Variants in LBH observed in about 807,000 individuals in gnomAD.
The protein encoded by LBH is LBH regulator of Wnt signaling pathway, also known as protein LBH.
Under a neutral mutation model 12.5 loss-of-function variants are expected in LBH, and 7 were observed. The observed-to-expected ratio is 0.56, with a 90% CI of 0.32 to 1.05. The LOEUF is 1.05. LBH is among the 50% of genes least tolerant of loss of function. The probability of loss-of-function intolerance (pLI) is 0.04; values close to 1 mark genes in which losing one functional copy is unlikely to be tolerated. For synonymous variants in LBH, 51 were observed against 50.1 expected (o/e 1.02, Z -0.08); for missense variants, 119 against 138.9 (o/e 0.86, Z 0.72).
chr2:30,232,545 A>T (rs1260724642), intron 1 of LBH: 3 of 184,146 alleles, frequency 1.6e-5, no homozygotes, highest in Non-Finnish European at 3.4e-5. Context: ...TCTGGGTTAG[A>T]GGAGAAGCGG....
intron 2 of LBH, among the ~76,000 whole-genome samples, chr2:30,247,712 C>A (rs1677899457): frequency 6.6e-6 from 1 of 152,216 alleles, no homozygotes; most frequent in South Asian, 2.1e-4. Flanking sequence ...CACTGTGCCA[C>A]ATACATAAGT....
intron 2 of LBH, among the ~76,000 whole-genome samples, chr2:30,257,054 C>T (rs183309768): frequency 1.3e-5 from 2 of 152,200 alleles, no homozygotes; most frequent in Admixed American, 6.5e-5. Context: ...CTGTTGTATT[C>T]TTTGTACTGC....
intron 2 of LBH, among the ~76,000 whole-genome samples, chr2:30,251,493 G>A (rs72787719): frequency 0.17 from 26,463 of 151,308 alleles, 2,596 homozygotes; most frequent in Admixed American, 0.27. Context: ...CCGAAGAGGT[G>A]TCCCCTGTAA....
At chr2:30,251,880 GTT>G (rs1277989763) in intron 2 of LBH, among the ~76,000 whole-genome samples, 1 of 152,196 alleles carries the variant, frequency 6.6e-6, no homozygotes, top group Admixed American at 6.5e-5. Flanking sequence ...AGCCCAGGGC[GTT>G]TGTTTGGCCG....
intron 1 of LBH, chr2:30,232,575 G>A: frequency 5.3e-6 from 1 of 187,934 alleles, no homozygotes. Flanking sequence ...AGCGCCGGCA[G>A]CCCCGGAGCG....
At chr2:30,243,828 C>G (rs1414072859) in intron 2 of LBH, among the ~76,000 whole-genome samples, 1 of 151,654 alleles carries the variant, frequency 6.6e-6, no homozygotes, top group South Asian at 2.1e-4. Context: ...TGCGCCTGGC[C>G]TGGGCTGGAC....
chr2:30,240,368 G>C (rs922731702), intron 2 of LBH, among the ~76,000 whole-genome samples: 1 of 152,220 alleles, frequency 6.6e-6, no homozygotes, highest in East Asian at 1.9e-4. Context: ...CTGTAGCCAA[G>C]AGCTATTCCT....
At chr2:30,253,317 G>C (rs1201971095) in intron 2 of LBH, among the ~76,000 whole-genome samples, 1 of 152,170 alleles carries the variant, frequency 6.6e-6, no homozygotes, top group Non-Finnish European at 1.5e-5. Context: ...CACTTTGCAA[G>C]GCTTTCTGTC....
At chr2:30,238,619 A>C (rs1677731524) in intron 2 of LBH, among the ~76,000 whole-genome samples, 1 of 152,166 alleles carries the variant, frequency 6.6e-6, no homozygotes, top group Admixed American at 6.5e-5. Flanking sequence ...AGCTTCCTGC[A>C]TCTTCCCCTT....
chr2:30,235,907 A>G (rs866281546), intron 2 of LBH, among the ~76,000 whole-genome samples: 6 of 151,660 alleles, frequency 4.0e-5, no homozygotes, highest in Admixed American at 3.3e-4. Flanking sequence ...GCAAGGGGGA[A>G]CTCTCTTTGC....
At position 30,231,542 on chromosome 2, in the gene LBH, C is replaced by T. The variant is rs564711571; in HGVS notation, c.-197C>T. The T allele has an allele frequency of 1.5e-3, 890 of 603,078 alleles. 8 individuals carry two copies. In the African/African-American group the frequency reaches 0.016, roughly 11 times the overall value. 37.4% of individuals were successfully genotyped at this position (603,078 alleles called of 1,614,324 possible). A position where few individuals can be genotyped will look rare whatever the true frequency, so the allele number is the denominator to read the frequency against. ...CCCGGGCTCTTTGTGGGGCTGAGTG[C>T]TCAGTGGAGAGCGGGGAGTTGTGTC... On this transcript the variant is annotated 5_prime_UTR_variant, in exon 1 of 3. Transcript: ENST00000395323.
intron 1 of LBH, chr2:30,232,144 T>C: frequency 6.5e-7 from 1 of 1,537,820 alleles, no homozygotes; most frequent in South Asian, 1.2e-5. Flanking sequence ...GGGCCCCTCC[T>C]CTTTTTCTTT....
At chr2:30,241,601 A>T (rs974953969) in intron 2 of LBH, among the ~76,000 whole-genome samples, 1 of 151,624 alleles carries the variant, frequency 6.6e-6, no homozygotes, top group Non-Finnish European at 1.5e-5. Context: ...CTGGGACTAC[A>T]AACACGTGCC....
At chr2:30,236,977 G>T (rs1382759017) in intron 2 of LBH, among the ~76,000 whole-genome samples, 1 of 152,204 alleles carries the variant, frequency 6.6e-6, no homozygotes, top group Non-Finnish European at 1.5e-5. Context: ...GACCATTGCG[G>T]TGTGACAGAT....
At chr2:30,242,597 A>C (rs546234631) in intron 2 of LBH, among the ~76,000 whole-genome samples, 1 of 152,302 alleles carries the variant, frequency 6.6e-6, no homozygotes, top group South Asian at 2.1e-4. Context: ...GAAGAGAAAA[A>C]AAATCCACAC....
chr2:30,256,251 G>A (rs777704883), intron 2 of LBH, among the ~76,000 whole-genome samples: 37 of 152,344 alleles, frequency 2.4e-4, no homozygotes, highest in Non-Finnish European at 4.1e-4. Context: ...CTCTGGGCAG[G>A]ACACAAAGTA....
intron 2 of LBH, 95 bp downstream of exon 2, chr2:30,234,602 T>C: frequency 1.2e-6 from 1 of 826,418 alleles, no homozygotes; most frequent in South Asian, 1.5e-5. Flanking sequence ...GTGCCACATA[T>C]AAGAGCTGTG....
chr2:30,256,063 C>T (rs921013256), intron 2 of LBH, among the ~76,000 whole-genome samples: 1 of 152,180 alleles, frequency 6.6e-6, no homozygotes, highest in Non-Finnish European at 1.5e-5. Context: ...CTCTCTCTAG[C>T]TCTGGGGTGT....
chr2:30,234,201 T>C, intron 1 of LBH: 1 of 569,906 alleles, frequency 1.8e-6, no homozygotes, highest in South Asian at 2.1e-5. Context: ...GACAATGGGC[T>C]TTGTCTGTTG....
Sources: gnomAD v4.1 joint callset for allele counts (sites outside exome capture counted in the v4.1 genomes callset) on GRCh38, gnomAD v4.1.1 for gene constraint, MANE v1.5 for transcripts, NCBI Gene and HGNC (gene_info 2026-07-23, HGNC 2026-07-21) for gene names.